The following ZFHX3 variants were observed in gnomAD, a reference collection of about 807,000 sequenced individuals.
ZFHX3 encodes the protein zinc finger homeobox protein 3.
ZFHX3 carries 42 observed loss-of-function variants against 279.1 expected under a neutral mutation model. The observed-to-expected ratio is 0.15, with a 90% CI of 0.12 to 0.19. ZFHX3 has a LOEUF of 0.19. Among genes scored for constraint, ZFHX3 ranks in the 10% least tolerant of loss-of-function variants. The pLI is 1.00. For synonymous variants in ZFHX3, 2,293 were observed against 1,957.8 expected (o/e 1.17, Z -4.52); for missense variants, 4,981 against 4,754.0 (o/e 1.05, Z -1.40).
intron 4 of ZFHX3, among the ~76,000 whole-genome samples, chr16:72,843,366 C>G (rs918248465): frequency 3.9e-5 from 6 of 151,948 alleles, no homozygotes; most frequent in Non-Finnish European, 7.4e-5. Flanking sequence ...AAAAAATTAG[C>G]CGGGCGTGGT....
rs8050201 is a variant in ZFHX3 at position 73,040,755 on chromosome 16, A to T, written c.-50+6997T>A. Among the ~76,000 whole-genome samples the T allele has an allele frequency of 6.7e-3, 1,019 of 152,344 alleles. 12 individuals are homozygous for T. Among genetic ancestry groups the T allele is most frequent in the African/African-American group, 0.024 (981 of 41,584 alleles). On this transcript the variant is annotated intron_variant, in intron 1 of 9. Coordinates refer to ENST00000268489, the MANE Select transcript of ZFHX3 (RefSeq NM_006885.4). ...GCCATCAGTAGCAAAGAAAGAAATG[A>T]AAAGGGCGTGGAGATGGCAGCCAAT... is the stretch of plus-strand genomic sequence containing the variant.
intron 1 of ZFHX3, among the ~76,000 whole-genome samples, chr16:73,798,244 T>C (rs933680114): frequency 1.3e-5 from 2 of 152,092 alleles, no homozygotes; most frequent in Admixed American, 6.6e-5. Context: ...ATGGAAAACA[T>C]GGTCTCTGCT....
At chr16:72,900,870 G>A (rs2039017922) in intron 3 of ZFHX3, among the ~76,000 whole-genome samples, 1 of 152,234 alleles carries the variant, frequency 6.6e-6, no homozygotes, top group Admixed American at 6.5e-5. Context: ...AAGGACCCAA[G>A]TCGGAATACC....
rs186796211 is a variant in ZFHX3 at position 73,526,454 on chromosome 16, C to A, written c.-1546-70196G>T. 2.1e-3 allele frequency among the ~76,000 whole-genome samples: 320 copies of A among 152,310 alleles called. 3 individuals are homozygous for A. The highest frequency in any genetic ancestry group is 7.2e-3 in the African/African-American group (300 of 41,566). On this transcript the variant is annotated intron_variant, in intron 2 of 17. Transcript: ENST00000641206. ...ACCCCACAAAAGATAACACCCTGAC[C>A]TTGATCCTTAATGTTATACTTTAGC...
chr16:73,857,966 C>T (rs1171102478), intron 1 of ZFHX3, among the ~76,000 whole-genome samples: 1 of 151,890 alleles, frequency 6.6e-6, no homozygotes, highest in Non-Finnish European at 1.5e-5. Flanking sequence ...CTGGTGGTGC[C>T]ACGCCTGTAG....
chr16:72,794,639 C>T lies in ZFHX3; in HGVS notation c.8043G>A (p.Lys2681=). Residue 2681 remains lysine, a synonymous_variant, in exon 9 of 10, where the codon AAG becomes AAA. Coordinates refer to ENST00000268489, the MANE Select transcript of ZFHX3 (RefSeq NM_006885.4). The surrounding 1 kb of genome is among the most constrained non-coding windows in gnomAD (Gnocchi z 4.2). ...LDHIAHEVGL[K]KRVVQVWFQN... ...GAAACCAGACTTGTACCACACGTTT[C>T]TTCAAGCCCACCTCGTGTGCAATGT... 6.2e-7 allele frequency: 1 copy of T among 1,614,244 alleles called. No individual in the cohort carries two copies. Among genetic ancestry groups the T allele is most frequent in the Middle Eastern group, 1.6e-4 (1 of 6,062 alleles).
At chr16:73,542,277 C>T (rs1001633250) in intron 2 of ZFHX3, among the ~76,000 whole-genome samples, 3 of 145,632 alleles carry the variant, frequency 2.1e-5, no homozygotes, top group Admixed American at 6.8e-5. Flanking sequence ...GGGCCTGGGG[C>T]GGGGGCTGCA....
chr16:73,543,263 C>T (rs1364154292), intron 2 of ZFHX3, among the ~76,000 whole-genome samples: 2 of 152,202 alleles, frequency 1.3e-5, no homozygotes, highest in African/African-American at 4.8e-5. Flanking sequence ...CAGATTATCA[C>T]TTGAATTTAA....
At chr16:73,572,911 A>G (rs2051756716) in intron 2 of ZFHX3, among the ~76,000 whole-genome samples, 1 of 152,202 alleles carries the variant, frequency 6.6e-6, no homozygotes, top group Non-Finnish European at 1.5e-5. Context: ...ATGCTCTCAG[A>G]TTAATTCCTG....
At chr16:72,859,563 T>C (rs936599267) in intron 4 of ZFHX3, among the ~76,000 whole-genome samples, 1 of 152,180 alleles carries the variant, frequency 6.6e-6, no homozygotes, top group Admixed American at 6.5e-5. Context: ...CTGTCTCCCA[T>C]AGAGGGAAAT....
intron 7 of ZFHX3, 151 bp downstream of exon 7, chr16:72,811,426 G>A (rs1023430086): frequency 1.1e-6 from 1 of 882,992 alleles, no homozygotes; most frequent in Non-Finnish European, 1.7e-6. Flanking sequence ...GGCAGGGATA[G>A]TACAACAAAG....
chr16:73,611,295 G>T (rs553317903), intron 2 of ZFHX3, among the ~76,000 whole-genome samples: 1 of 152,034 alleles, frequency 6.6e-6, no homozygotes, highest in Non-Finnish European at 1.5e-5. Context: ...GGGGGAGAAG[G>T]GGGTCACTGA....
rs368159297 is a variant in ZFHX3 at position 73,512,433 on chromosome 16, C to T, written c.-1546-56175G>A. Among the ~76,000 whole-genome samples, 115 of 126,640 alleles carry T rather than the reference C, an allele frequency of 9.1e-4. 4 individuals are homozygous for T. The highest frequency in any genetic ancestry group is 7.9e-3 in the South Asian group (30 of 3,792). The allele number at this position is 126,640 out of a possible 152,430, so 83.1% of individuals were successfully genotyped here. ...ACTGCACTCCAGCCTGGCAACAGAG[C>T]GAGACTCCGTCTCAAAAGAAAAAAA... On this transcript the variant is annotated intron_variant, in intron 2 of 17. Transcript: ENST00000641206.
intron 1 of ZFHX3, among the ~76,000 whole-genome samples, chr16:73,774,130 TAA>T (rs35937157): frequency 6.8e-6 from 1 of 146,480 alleles, no homozygotes. Flanking sequence ...ATACTGTCTC[TAA>T]AAAAAAAAAG....
intron 5 of ZFHX3, among the ~76,000 whole-genome samples, chr16:73,249,770 A>G (rs578078657): frequency 9.0e-6 from 1 of 111,404 alleles, no homozygotes; most frequent in African/African-American, 3.8e-5. Context: ...TATAAGTAAG[A>G]AAAAAAACCC....
chr16:73,037,432 G>C (rs546438536), intron 1 of ZFHX3, among the ~76,000 whole-genome samples: 2 of 152,184 alleles, frequency 1.3e-5, no homozygotes, highest in Non-Finnish European at 2.9e-5. Context: ...CTGCCACCCA[G>C]GGCTGTTCTG....
chr16:73,494,518 T>C (rs990021785), intron 2 of ZFHX3, among the ~76,000 whole-genome samples: 1 of 152,142 alleles, frequency 6.6e-6, no homozygotes, highest in African/African-American at 2.4e-5. Context: ...ATAATCTTGT[T>C]CTGTGTATAT....
At chr16:73,214,068 C>T (rs371009920) in intron 5 of ZFHX3, among the ~76,000 whole-genome samples, 6 of 152,318 alleles carry the variant, frequency 3.9e-5, no homozygotes, top group Admixed American at 3.3e-4. Flanking sequence ...CCAGTAAACA[C>T]GGAGACCCCT....
intron 3 of ZFHX3, among the ~76,000 whole-genome samples, chr16:72,902,954 G>C (rs2039077703): frequency 6.6e-6 from 1 of 152,154 alleles, no homozygotes; most frequent in Non-Finnish European, 1.5e-5. Flanking sequence ...GCCAAGTCTT[G>C]GTCTTGAGAA....
Sources: gnomAD v4.1 joint callset for allele counts (sites outside exome capture counted in the v4.1 genomes callset) on GRCh38, gnomAD v4.1.1 for gene constraint, Gnocchi (gnomAD v3.1) non-coding constraint, MANE v1.5 for transcripts, NCBI Gene and HGNC (gene_info 2026-07-23, HGNC 2026-07-21) for gene names.